Variants in SKIC3 observed in about 807,000 individuals in gnomAD.
SKIC3 encodes superkiller complex protein 3.
the SKIC3 span, among the ~76,000 whole-genome samples, chr5:95,501,700 G>T: frequency 6.6e-6 from 1 of 151,862 alleles, no homozygotes; most frequent in Non-Finnish European, 1.5e-5. Context: ...AGAAAAAAAA[G>T]ATTGTATATA....
chr5:95,549,770 G>A, the SKIC3 span, among the ~76,000 whole-genome samples: 3 of 151,512 alleles, frequency 2.0e-5, no homozygotes, highest in South Asian at 2.1e-4. Context: ...TATTTTTGAG[G>A]GGAAAGGGAA....
chr5:95,523,196 C>T, the SKIC3 span: 6 of 1,613,550 alleles, frequency 3.7e-6, no homozygotes, highest in Admixed American at 1.7e-5. Flanking sequence ...CAATAAGGTG[C>T]CTTACTCAGC....
chr5:95,500,896 T>C, the SKIC3 span, among the ~76,000 whole-genome samples: 3 of 152,162 alleles, frequency 2.0e-5, no homozygotes, highest in African/African-American at 7.2e-5. Context: ...GGACTATTTT[T>C]GGAAGGGGGA....
At chr5:95,489,068 A>G in the SKIC3 span, among the ~76,000 whole-genome samples, 2 of 152,272 alleles carry the variant, frequency 1.3e-5, no homozygotes, top group South Asian at 2.1e-4. Flanking sequence ...TGTAATCCCA[A>G]TACTTTAGGA....
the SKIC3 span, chr5:95,515,012 C>T: frequency 5.5e-5 from 69 of 1,261,690 alleles, 1 homozygote; most frequent in South Asian, 6.4e-4. Flanking sequence ...ATAAGTCAAA[C>T]CTCTCATCAT....
chr5:95,514,359 T>G, the SKIC3 span, among the ~76,000 whole-genome samples: 63 of 152,122 alleles, frequency 4.1e-4, 1 homozygote. Flanking sequence ...GTATCCTGAT[T>G]CCTATTTGGC....
the SKIC3 span, among the ~76,000 whole-genome samples, chr5:95,471,908 G>A: frequency 4.1e-4 from 63 of 152,274 alleles, no homozygotes; most frequent in African/African-American, 1.5e-3. Context: ...AAAGTGTAGG[G>A]CCCTTTGTTG....
chr5:95,487,243 G>A, the SKIC3 span, among the ~76,000 whole-genome samples: 1 of 152,114 alleles, frequency 6.6e-6, no homozygotes, highest in African/African-American at 2.4e-5. Flanking sequence ...TCCTCAGCTT[G>A]CAAACAGCCT....
the SKIC3 span, among the ~76,000 whole-genome samples, chr5:95,531,829 C>G: frequency 7.2e-5 from 11 of 152,162 alleles, no homozygotes; most frequent in African/African-American, 2.7e-4. Flanking sequence ...CTTATTGCCT[C>G]TGTGGCTAAA....
the SKIC3 span, among the ~76,000 whole-genome samples, chr5:95,535,466 G>A: frequency 1.2e-4 from 18 of 151,606 alleles, no homozygotes; most frequent in Non-Finnish European, 2.2e-4. Flanking sequence ...GCCCGCCACC[G>A]CGCCCGGCTA....
At chr5:95,548,941 C>G in the SKIC3 span, among the ~76,000 whole-genome samples, 1 of 151,994 alleles carries the variant, frequency 6.6e-6, no homozygotes, top group African/African-American at 2.4e-5. Flanking sequence ...ACAAACAAGG[C>G]AGGACCAACC....
the SKIC3 span, among the ~76,000 whole-genome samples, chr5:95,488,023 AGAATTCATTGAAT>A: frequency 2.5e-4 from 38 of 152,100 alleles, no homozygotes; most frequent in Non-Finnish European, 5.0e-4. Flanking sequence ...CTAGAAATGA[AGAATTCATTGAAT>A]GAAATACAAA....
At chr5:95,530,608 T>C in the SKIC3 span, among the ~76,000 whole-genome samples, 1 of 152,148 alleles carries the variant, frequency 6.6e-6, no homozygotes, top group South Asian at 2.1e-4. Context: ...AACCATGCGC[T>C]GCTAGAGACA....
chr5:95,541,349 T>A, the SKIC3 span: 4 of 1,613,756 alleles, frequency 2.5e-6, no homozygotes, highest in South Asian at 4.4e-5. Flanking sequence ...ACAAGTTTCT[T>A]GCAGACATCA....
chr5:95,504,062 A>T, the SKIC3 span: 1 of 320,188 alleles, frequency 3.1e-6, no homozygotes, highest in Non-Finnish European at 4.9e-6. Context: ...TAATCCCAGC[A>T]CTTTGGGAGG....
the SKIC3 span, chr5:95,541,681 T>C: frequency 1.4e-5 from 10 of 701,222 alleles, no homozygotes; most frequent in Non-Finnish European, 2.1e-5. Context: ...CAAAAGATTC[T>C]ACGACAAATG....
At chr5:95,503,051 G>C in the SKIC3 span, 5 of 1,609,756 alleles carry the variant, frequency 3.1e-6, no homozygotes, top group Non-Finnish European at 4.2e-6. Context: ...AAGCCATCCT[G>C]ATTGATGAAG....
At chr5:95,510,591 A>C in the SKIC3 span, among the ~76,000 whole-genome samples, 1 of 152,114 alleles carries the variant, frequency 6.6e-6, no homozygotes, top group Non-Finnish European at 1.5e-5. Context: ...TGTGGCCCCC[A>C]CCCAGGAACT....
At chr5:95,469,752 A>G in the SKIC3 span, 1 of 1,613,400 alleles carries the variant, frequency 6.2e-7, no homozygotes. Context: ...AGAAGCATTT[A>G]TAAGAAAAAG....
Sources: allele counts gnomAD v4.1 joint callset (sites outside exome capture counted in the v4.1 genomes callset), GRCh38; gene constraint gnomAD v4.1.1; transcripts MANE v1.5; gene names NCBI Gene and HGNC (gene_info 2026-07-23, HGNC 2026-07-21).